RAPGEF6: variants seen among roughly 807,000 people sequenced by gnomAD.
RAPGEF6 encodes PDZ domain containing guanine nucleotide exchange factor (GEF) 2.
RAPGEF6 carries 56 observed loss-of-function variants against 171.4 expected under a neutral mutation model. The observed-to-expected ratio is 0.33, with a 90% CI of 0.26 to 0.41. The LOEUF (loss-of-function observed/expected upper bound fraction) is 0.41. RAPGEF6 is among the 10% of genes least tolerant of loss of function. RAPGEF6 has a pLI of 1.00. For missense variants in RAPGEF6, 1,674 were observed against 1,921.4 expected (o/e 0.87, Z 2.41); for synonymous variants, 692 against 650.1 (o/e 1.06, Z -0.98).
At chr5:131,487,132 TGGAGTTTGTTCCTTCAGATGTGTCC>T (rs1457811741) in intron 15 of RAPGEF6, among the ~76,000 whole-genome samples, 87 of 152,262 alleles carry the variant, frequency 5.7e-4, no homozygotes, top group Admixed American at 1.6e-3. Context: ...ATGGTGTGTC[TGGAGTTTGTTCCTTCAGATGTGTCC>T]GGAGTTTCTT....
intron 6 of RAPGEF6, among the ~76,000 whole-genome samples, chr5:131,528,151 A>C (rs13176337): frequency 2.2e-4 from 10 of 45,438 alleles, no homozygotes; most frequent in East Asian, 3.0e-4. Context: ...TACTATATAT[A>C]ATATAAAATA....
intron 7 of RAPGEF6, among the ~76,000 whole-genome samples, chr5:131,512,922 A>G (rs1757833698): frequency 6.6e-6 from 1 of 152,090 alleles, no homozygotes; most frequent in African/African-American, 2.4e-5. Flanking sequence ...TGATCTTTAA[A>G]CTTTCCAGCC....
At chr5:131,582,125 C>A (rs771619406) in intron 4 of RAPGEF6, among the ~76,000 whole-genome samples, 1 of 152,190 alleles carries the variant, frequency 6.6e-6, no homozygotes, top group African/African-American at 2.4e-5. Context: ...GAATAAATAG[C>A]CTTGTTGCTC....
At chr5:131,466,207 G>C (rs1329232414) in intron 17 of RAPGEF6, among the ~76,000 whole-genome samples, 1 of 151,904 alleles carries the variant, frequency 6.6e-6, no homozygotes, top group East Asian at 1.9e-4. Flanking sequence ...GAATGTTCTG[G>C]GTCCTCTCAA....
At position 131,508,207 on chromosome 5, in the gene RAPGEF6, T is replaced by C. The variant is rs763705743; in HGVS notation, c.806A>G (p.Glu269Gly). The stretch of plus-strand genomic sequence containing the variant: ...CTGGTGCATAAACTCCAGCAATTGT[T>C]CTATAAGAAAACAGAAATTCTGGTA... ...EPADKTDDDI[E>G]QLLEFMHQLP... is the part of the protein sequence containing the mutation. The change falls in exon 9 of 28, where the codon GAA becomes GGA. Residue 269 changes from glutamate to glycine, a missense_variant and splice_region_variant. Physicochemically the swap from Glu to Gly is moderately conservative, Grantham distance 98. This residue lies in a region of RAPGEF6 where 1,116 missense variants were observed against 1,321.5 expected (regional missense o/e 0.84). Transcript: ENST00000509018. 1 of 1,604,394 alleles carries C rather than the reference T, an allele frequency of 6.2e-7. No homozygotes were observed. Among genetic ancestry groups the C allele is most frequent in the Non-Finnish European group, 8.5e-7 (1 of 1,176,398 alleles).
chr5:131,427,942 A>C (rs9327610), intron 27 of RAPGEF6, among the ~76,000 whole-genome samples: 21,942 of 151,804 alleles, frequency 0.14, 3,823 homozygotes, highest in African/African-American at 0.42. Flanking sequence ...ATGCTGTCTC[A>C]AATACAAAAA....
At chr5:131,623,392 T>A (rs747254013) in intron 1 of RAPGEF6, among the ~76,000 whole-genome samples, 8 of 151,672 alleles carry the variant, frequency 5.3e-5, no homozygotes, top group Non-Finnish European at 1.0e-4. Context: ...CCAAACTTCA[T>A]CAAGCCTTTT....
intron 13 of RAPGEF6, among the ~76,000 whole-genome samples, chr5:131,494,793 AC>A (rs1203973707): frequency 6.6e-6 from 1 of 152,222 alleles, no homozygotes; most frequent in Non-Finnish European, 1.5e-5. Flanking sequence ...TAAGTCCTAA[AC>A]TAGGGAGTAA....
intron 15 of RAPGEF6, among the ~76,000 whole-genome samples, chr5:131,483,991 G>C (rs1196940274): frequency 6.7e-6 from 1 of 149,744 alleles, no homozygotes; most frequent in Non-Finnish European, 1.5e-5. Flanking sequence ...AGCTACTCGG[G>C]AAGCTGAGGC....
chr5:131,562,160 T>A, intron 4 of RAPGEF6, 113 bp from the exon 5 acceptor site: 2 of 656,746 alleles, frequency 3.0e-6, no homozygotes, highest in Non-Finnish European at 5.1e-6. Flanking sequence ...TCCAAGAAAT[T>A]CTGATCCTGT....
intron 6 of RAPGEF6, among the ~76,000 whole-genome samples, chr5:131,524,581 G>A (rs551915872): frequency 3.5e-5 from 5 of 142,528 alleles, no homozygotes; most frequent in Admixed American, 2.9e-4. Context: ...GGAGGAGAGA[G>A]AGGGAGAGGG....
intron 6 of RAPGEF6, among the ~76,000 whole-genome samples, chr5:131,532,561 T>G (rs1759465885): frequency 6.6e-6 from 1 of 152,182 alleles, no homozygotes; most frequent in African/African-American, 2.4e-5. Flanking sequence ...TTGTCTTTTC[T>G]TCAACTTATT....
At chr5:131,438,360 C>T (rs139170325) in intron 24 of RAPGEF6, among the ~76,000 whole-genome samples, 1 of 152,200 alleles carries the variant, frequency 6.6e-6, no homozygotes, top group Admixed American at 6.5e-5. Flanking sequence ...GGTCTGACAT[C>T]ACTGTACATA....
At chr5:131,621,301 T>C (rs533984138) in intron 1 of RAPGEF6, among the ~76,000 whole-genome samples, 1 of 152,290 alleles carries the variant, frequency 6.6e-6, no homozygotes, top group Admixed American at 6.5e-5. Context: ...TCTTTTTCTT[T>C]TTTTTTCAGA....
intron 6 of RAPGEF6, among the ~76,000 whole-genome samples, chr5:131,524,607 AT>A (rs1758745323): frequency 3.5e-5 from 2 of 57,872 alleles, no homozygotes; most frequent in Admixed American, 1.8e-4. Flanking sequence ...GGAGAGAGAG[AT>A]TGAGAGAGAG....
At chr5:131,580,728 T>A (rs1580616725) in intron 4 of RAPGEF6, among the ~76,000 whole-genome samples, 1 of 152,318 alleles carries the variant, frequency 6.6e-6, no homozygotes, top group East Asian at 1.9e-4. Context: ...TCTCTAGGAT[T>A]TGGGGTGCAG....
At chr5:131,508,352 C>T (rs1480469142) in intron 8 of RAPGEF6, 145 bp from the exon 9 acceptor site, 7 of 799,518 alleles carry the variant, frequency 8.8e-6, no homozygotes, top group East Asian at 5.9e-5. Flanking sequence ...ACTATTTGAC[C>T]GTTGATTTTT....
intron 7 of RAPGEF6, among the ~76,000 whole-genome samples, chr5:131,516,045 CCTTTTTTTTTTTTTTTTTTTTTT>C: frequency 1.1e-5 from 1 of 94,354 alleles, no homozygotes; most frequent in Non-Finnish European, 2.1e-5. Flanking sequence ...CAGATGATAT[CCTTTTTTTTTTTTTTTTTTTTTT>C]TTTTTTTTTT....
chr5:131,561,991 G>A lies in RAPGEF6; in HGVS notation c.338C>T (p.Ser113Leu). The A allele has an allele frequency of 6.3e-7, 1 of 1,594,540 alleles. No individual in the cohort carries two copies. The highest frequency in any genetic ancestry group is 2.3e-5 in the East Asian group (1 of 43,798). Reference sequence around the variant, plus strand: ...TAAAGTTCTTACCACAATCATTTCTGAAGGCTCTAATACAAGACAATCACA... The same window carrying A: ...TAAAGTTCTTACCACAATCATTTCTAAAGGCTCTAATACAAGACAATCACA... Reference protein sequence around the residue: ...RGCDCLVLEPSEMIVVENAKD... With the variant: ...RGCDCLVLEPLEMIVVENAKD... The change falls in exon 5 of 28, where the codon TCA becomes TTA. Residue 113 changes from serine to leucine, a missense_variant. This residue lies in a region of RAPGEF6 where 1,116 missense variants were observed against 1,321.5 expected (regional missense o/e 0.84). Coordinates refer to ENST00000509018, the MANE Select transcript of RAPGEF6 (RefSeq NM_016340.6).
Sources: gnomAD v4.1 joint callset for allele counts (sites outside exome capture counted in the v4.1 genomes callset) on GRCh38, gnomAD v4.1.1 for gene constraint, gnomAD v4.1.1 regional missense constraint, MANE v1.5 for transcripts, NCBI Gene and HGNC (gene_info 2026-07-23, HGNC 2026-07-21) for gene names.